PRUNE2: variants seen among roughly 807,000 people sequenced by gnomAD.
The protein encoded by PRUNE2 is protein prune homolog 2.
PRUNE2 carries 164 observed loss-of-function variants against 252.0 expected under a neutral mutation model. The ratio of observed to expected loss-of-function variants is 0.65; its 90% confidence interval spans 0.57 to 0.74. PRUNE2 has a LOEUF of 0.74. Among genes scored for constraint, PRUNE2 ranks in the 30% least tolerant of loss-of-function variants. The pLI, the probability that PRUNE2 is intolerant of heterozygous loss-of-function variation, is 0.00. For synonymous variants in PRUNE2, 1,292 were observed against 1,350.2 expected, an observed-to-expected ratio of 0.96 and a Z score of 0.94; for missense variants, 3,495 against 3,711.0, an observed-to-expected ratio of 0.94 and a Z score of 1.51.
At chr9:76,854,077 AAGG>A in intron 2 of PRUNE2, 24 bp downstream of exon 2, 2 of 1,077,382 alleles carry the variant, frequency 1.9e-6, no homozygotes, top group Non-Finnish European at 1.4e-6. Context: ...TTCAAAATAT[AAGG>A]AGTATTACCC....
intron 4 of PRUNE2, among the ~76,000 whole-genome samples, chr9:76,837,491 T>C (rs202195519): frequency 6.7e-6 from 1 of 149,078 alleles, no homozygotes; most frequent in Non-Finnish European, 1.5e-5. Flanking sequence ...ATTAAAGCAA[T>C]CCCATACACT....
intron 1 of PRUNE2, among the ~76,000 whole-genome samples, chr9:76,884,149 G>GA (rs1428689025): frequency 1.3e-5 from 2 of 152,148 alleles, no homozygotes; most frequent in African/African-American, 4.8e-5. Context: ...TTATCCTGCT[G>GA]AAAGGCTTGC....
chr9:76,755,360 G>A (rs147138006), intron 6 of PRUNE2, among the ~76,000 whole-genome samples: 28 of 152,246 alleles, frequency 1.8e-4, no homozygotes, highest in East Asian at 5.8e-4. Flanking sequence ...AAGATAAACC[G>A]ATGGAGAGAG....
intron 9 of PRUNE2, among the ~76,000 whole-genome samples, chr9:76,657,583 GAGA>G (rs1216957407): frequency 3.3e-5 from 5 of 152,224 alleles, no homozygotes; most frequent in African/African-American, 7.2e-5. Context: ...GATTAACTCT[GAGA>G]AGATTAGTTG....
At chr9:76,748,486 G>T (rs536462901) in intron 6 of PRUNE2, among the ~76,000 whole-genome samples, 34 of 152,288 alleles carry the variant, frequency 2.2e-4, no homozygotes, top group African/African-American at 7.7e-4. Context: ...CTATGGCTGA[G>T]GGTGGAGGAA....
chr9:76,695,459 C>T (rs2045295530), intron 9 of PRUNE2, among the ~76,000 whole-genome samples: 1 of 152,142 alleles, frequency 6.6e-6, no homozygotes, highest in African/African-American at 2.4e-5. Context: ...ACTAACAAAA[C>T]TCTAAGAAAA....
intron 6 of PRUNE2, among the ~76,000 whole-genome samples, chr9:76,752,389 G>A (rs7021978): frequency 0.032 from 4,888 of 152,208 alleles, 235 homozygotes; most frequent in African/African-American, 0.11. Flanking sequence ...GAGCCACCGC[G>A]CCCGGCAACT....
chr9:76,841,161 G>C (rs2059371197), intron 4 of PRUNE2, among the ~76,000 whole-genome samples: 1 of 152,158 alleles, frequency 6.6e-6, no homozygotes, highest in South Asian at 2.1e-4. Context: ...CCCAGCCATG[G>C]AGGGTGAGCC....
rs779569175 is a variant in PRUNE2, at chr9:76,710,471, T to A, written c.1803A>T (p.Leu601=). 2.5e-6 allele frequency: 4 copies of A among 1,613,994 alleles called. No homozygotes were observed. The highest frequency in any genetic ancestry group is 3.4e-6 in the Non-Finnish European group (4 of 1,179,892). Residue 601 remains leucine, a synonymous_variant, in exon 8 of 19, where the codon CTA becomes CTT. Transcript: ENST00000376718. ...GTGGGATCCTCTTTCCAGTATTTTT[T>A]AGCCTTTCTGGGGAAGGGGATTCAT... is the stretch of plus-strand genomic sequence containing the variant. ...VGDESPSPER[L]KNTGKRIPPT...
At chr9:76,896,824 G>C (rs962997033) in intron 1 of PRUNE2, among the ~76,000 whole-genome samples, 2 of 152,170 alleles carry the variant, frequency 1.3e-5, no homozygotes, top group South Asian at 4.2e-4. Context: ...AGTGGCAACA[G>C]TGAAGAAACT....
chr9:76,778,343 C>T (rs1380712144), intron 6 of PRUNE2: 3 of 152,168 alleles, frequency 2.0e-5, no homozygotes, highest in South Asian at 2.1e-4. Context: ...ACAACAAATT[C>T]AATAAATTAA....
At chr9:76,787,912 C>T (rs568148787) in intron 6 of PRUNE2, among the ~76,000 whole-genome samples, 1 of 152,338 alleles carries the variant, frequency 6.6e-6, no homozygotes, top group Admixed American at 6.5e-5. Flanking sequence ...CCTGTCTGTG[C>T]TGCCGCAGCT....
At chr9:76,767,185 G>C (rs1026801634) in intron 6 of PRUNE2, among the ~76,000 whole-genome samples, 2 of 152,190 alleles carry the variant, frequency 1.3e-5, no homozygotes, top group Middle Eastern at 3.4e-3. Flanking sequence ...GGCACTGTGG[G>C]TCACGCCTGT....
At chr9:76,672,052 A>G (rs1185005856) in intron 9 of PRUNE2, among the ~76,000 whole-genome samples, 1 of 150,532 alleles carries the variant, frequency 6.6e-6, no homozygotes, top group Admixed American at 6.6e-5. Context: ...ACACATAACA[A>G]TATTAACTTT....
Position 76,614,615 on chromosome 9 carries a change from A to C in PRUNE2, c.9237-15T>G. The stretch of plus-strand genomic sequence containing the variant: ...TCAAGTCAATACTGCAAAGAAAAGA[A>C]AAAGAGAGAGAAACATGAGAAACCA... On this transcript the variant is annotated splice_polypyrimidine_tract_variant and intron_variant, in intron 18 of 18. Transcript: ENST00000376718. 6.2e-7 allele frequency: 1 copy of C among 1,606,634 alleles called. No individual in the cohort carries two copies. The highest frequency in any genetic ancestry group is 1.3e-5 in the African/African-American group (1 of 74,922).
At chr9:76,870,081 T>C (rs183917827) in intron 1 of PRUNE2, among the ~76,000 whole-genome samples, 64 of 152,314 alleles carry the variant, frequency 4.2e-4, no homozygotes, top group Admixed American at 3.6e-3. Context: ...GCTTTACTTT[T>C]TTATTGGACT....
In PRUNE2 at chr9:76,810,095, C is replaced by T. The variant is rs140382049; in HGVS notation, c.756+13537G>A. On this transcript the variant is annotated intron_variant, in intron 6 of 18. Transcript: ENST00000376718. ...AACAATGGAGCATCATCCACAGGTG[C>T]GCCTGGCATACGCATTTGCAGAGAA... Among the ~76,000 whole-genome samples, 6 of 152,272 alleles carry T rather than the reference C, an allele frequency of 3.9e-5. No homozygotes were observed. In the East Asian group the frequency reaches 7.7e-4, roughly 20 times the overall value.
chr9:76,894,931 CA>C (rs1193760166), intron 1 of PRUNE2, among the ~76,000 whole-genome samples: 1 of 152,086 alleles, frequency 6.6e-6, no homozygotes, highest in Non-Finnish European at 1.5e-5. Flanking sequence ...GAGGTTGAGG[CA>C]GGAGAATCTC....
intron 9 of PRUNE2, among the ~76,000 whole-genome samples, chr9:76,664,376 C>T (rs1462656279): frequency 1.3e-5 from 2 of 152,226 alleles, no homozygotes; most frequent in Non-Finnish European, 2.9e-5. Flanking sequence ...GCAGATCCTG[C>T]AGCCTGGCTA....
Sources: allele counts gnomAD v4.1 joint callset (sites outside exome capture counted in the v4.1 genomes callset), GRCh38; gene constraint gnomAD v4.1.1; transcripts MANE v1.5; gene names NCBI Gene and HGNC (gene_info 2026-07-23, HGNC 2026-07-21).